INSM2: variants seen among roughly 807,000 people sequenced by gnomAD.
INSM2 encodes the protein INSM transcriptional repressor 2.
Under a neutral mutation model 30.5 loss-of-function variants are expected in INSM2, and 12 were observed. The ratio of observed to expected loss-of-function variants is 0.39; its 90% confidence interval spans 0.25 to 0.64. INSM2 has a LOEUF of 0.64. INSM2 is among the 30% of genes least tolerant of loss of function. INSM2 has a pLI of 0.47. For synonymous variants in INSM2, 418 were observed against 383.7 expected, an observed-to-expected ratio of 1.09 and a Z score of -1.05; for missense variants, 773 against 819.2, an observed-to-expected ratio of 0.94 and a Z score of 0.69.
In INSM2 at chr14:35,535,943, C is replaced by T. The variant is rs2053596483; in HGVS notation, c.1691C>T (p.Pro564Leu). ...QVLLLQMPLR[P>L]GC Reference sequence around the variant, plus strand: ...CTGCTGCTGCAGATGCCACTGCGGCCTGGCTGCTGAGGGACGAGAGACCAG... The same window carrying T: ...CTGCTGCTGCAGATGCCACTGCGGCTTGGCTGCTGAGGGACGAGAGACCAG... The change falls in exon 1 of 1, where the codon CCT becomes CTT. Residue 564 changes from proline (P) to leucine (L), a missense_variant. Coordinates refer to ENST00000307169, the MANE Select transcript of INSM2 (RefSeq NM_032594.4). 1.2e-6 allele frequency: 2 copies of T among 1,605,012 alleles called. No homozygotes were observed. The highest frequency in any genetic ancestry group is 8.5e-7 in the Non-Finnish European group (1 of 1,175,774).
Position 35,536,286 on chromosome 14 carries a change from C to A in INSM2, c.*333C>A. ...ATGATTTGTAATTCCTATGGAAAGTCGCGGTGAATGCGTGCATGTCTCAAT... is the reference window on the plus strand; with the variant it reads ...ATGATTTGTAATTCCTATGGAAAGTAGCGGTGAATGCGTGCATGTCTCAAT... On this transcript the variant is annotated 3_prime_UTR_variant, in exon 1 of 1. Coordinates refer to ENST00000307169, the MANE Select transcript of INSM2 (RefSeq NM_032594.4). The A allele has an allele frequency of 3.9e-6, 1 of 258,622 alleles. No individual in the cohort carries two copies. Among genetic ancestry groups the A allele is most frequent in the Non-Finnish European group, 7.8e-6 (1 of 128,614 alleles). 16.0% of individuals were successfully genotyped at this position (258,622 alleles called of 1,614,324 possible).
Position 35,534,691 on chromosome 14 carries a change from G to C in INSM2, c.439G>C (p.Ala147Pro). Residue 147 changes from alanine (A) to proline (P), a missense_variant, in exon 1 of 1, where the codon GCT becomes CCT. Coordinates refer to ENST00000307169, the MANE Select transcript of INSM2 (RefSeq NM_032594.4). The stretch of plus-strand genomic sequence containing the variant: ...CCCCGGGGGCGCCGCCGCCGTGGCC[G>C]CTTTCTCCTGCTCCGTGGCGCCAGC... ...SFPGGAAAVA[A>P]FSCSVAPAAA... 7.1e-7 allele frequency: 1 copy of C among 1,399,894 alleles called. No homozygotes were observed. The allele number at this position is 1,399,894 out of a possible 1,614,324, so 86.7% of individuals were successfully genotyped here. A position where few individuals can be genotyped will look rare whatever the true frequency, so the allele number is the denominator to read the frequency against.
In INSM2 at chr14:35,534,777, C is replaced by T. The variant is rs1435345314; in HGVS notation, c.525C>T (p.Pro175=). Reference sequence around the variant, plus strand: ...CGCTTCGGGCGCCGTTCCCAGAGCCCGCGCTTCAGCCGGACCCTGCGCCCC... The same window carrying T: ...CGCTTCGGGCGCCGTTCCCAGAGCCTGCGCTTCAGCCGGACCCTGCGCCCC... ...LLPLRAPFPE[P]ALQPDPAPLS... The change falls in exon 1 of 1, where the codon CCC becomes CCT. Residue 175 remains proline, a synonymous_variant. Coordinates refer to ENST00000307169, the MANE Select transcript of INSM2 (RefSeq NM_032594.4). 4 of 1,424,024 alleles carry T rather than the reference C, an allele frequency of 2.8e-6. No individual in the cohort carries two copies. The highest frequency in any genetic ancestry group is 1.5e-5 in the African/African-American group (1 of 66,018). The allele number at this position is 1,424,024 out of a possible 1,614,324, so 88.2% of individuals were successfully genotyped here.
rs1316150257 is a variant in INSM2 at position 35,534,567 on chromosome 14, C to T, written c.315C>T (p.Ser105=). ...RAGGREGPGP[S]PSPSPSPAKP... The stretch of plus-strand genomic sequence containing the variant: ...GTGGCAGGGAAGGTCCCGGGCCCAG[C>T]CCCAGCCCCAGCCCCAGTCCAGCGA... The change falls in exon 1 of 1, where the codon AGC becomes AGT. Residue 105 remains serine (S), a synonymous_variant. Transcript: ENST00000307169. The T allele has an allele frequency of 2.1e-6, 3 of 1,400,536 alleles. No homozygotes were observed. Among genetic ancestry groups the T allele is most frequent in the Non-Finnish European group, 2.8e-6 (3 of 1,087,850 alleles). The allele number at this position is 1,400,536 out of a possible 1,614,324, so 86.8% of individuals were successfully genotyped here.
Position 35,535,755 on chromosome 14 carries a change from C to A in INSM2, c.1503C>A (p.Pro501=). The stretch of plus-strand genomic sequence containing the variant: ...CTGTCCGCGAGGAGCTGCTCCTGCC[C>A]GCTCTGGCGGGGGCTCCTCCCGAAA... ...WHAVREELLL[P]ALAGAPPETS... Residue 501 remains proline (P), a synonymous_variant, in exon 1 of 1, where the codon CCC becomes CCA. Coordinates refer to ENST00000307169, the MANE Select transcript of INSM2 (RefSeq NM_032594.4). 1 of 1,613,470 alleles carries A rather than the reference C, an allele frequency of 6.2e-7. No homozygotes were observed. The highest frequency in any genetic ancestry group is 8.5e-7 in the Non-Finnish European group (1 of 1,179,926).
Position 35,534,772 on chromosome 14 carries a change from G to T in INSM2, c.520G>T (p.Glu174Ter). 7.0e-7 allele frequency: 1 copy of T among 1,419,890 alleles called. No individual in the cohort carries two copies. Among genetic ancestry groups the T allele is most frequent in the South Asian group, 1.6e-5 (1 of 64,458 alleles). The allele number at this position is 1,419,890 out of a possible 1,614,324, so 88.0% of individuals were successfully genotyped here. The change falls in exon 1 of 1, where the codon GAG becomes TAG. Residue 174 changes from glutamate (E) to a stop codon, truncating the protein, a stop_gained. Transcript: ENST00000307169. LOFTEE classifies it high-confidence loss of function. Reference protein sequence around the residue: ...FLLPLRAPFPEPALQPDPAPL... With the variant: ...FLLPLRAPFP ...GCTGCCGCTTCGGGCGCCGTTCCCA[G>T]AGCCCGCGCTTCAGCCGGACCCTGC...
chr14:35,534,840 C>T lies in INSM2; in HGVS notation c.588C>T (p.Gly196=). The change falls in exon 1 of 1, where the codon GGC becomes GGT. Residue 196 remains glycine, a synonymous_variant. Transcript: ENST00000307169. ...AALQSLKRAA[G]GERRGKAPTD... ...TTCAGAGTCTGAAGCGGGCGGCCGG[C>T]GGCGAGCGCCGCGGCAAGGCACCCA... is the stretch of plus-strand genomic sequence containing the variant. The T allele has an allele frequency of 1.3e-6, 2 of 1,522,688 alleles. No homozygotes were observed. Among genetic ancestry groups the T allele is most frequent in the Non-Finnish European group, 8.8e-7 (1 of 1,142,836 alleles). The allele number at this position is 1,522,688 out of a possible 1,614,324, so 94.3% of individuals were successfully genotyped here. A position where few individuals can be genotyped will look rare whatever the true frequency, so the allele number is the denominator to read the frequency against.
Position 35,536,131 on chromosome 14 carries a change from C to A in INSM2, c.*178C>A. On this transcript the variant is annotated 3_prime_UTR_variant, in exon 1 of 1. Coordinates refer to ENST00000307169, the MANE Select transcript of INSM2 (RefSeq NM_032594.4). Reference sequence around the variant, plus strand: ...GGAGCGGACAGTGAAATGTAATATCCCTCTCTAGAGCAGGTATGTATATGG... The same window carrying A: ...GGAGCGGACAGTGAAATGTAATATCACTCTCTAGAGCAGGTATGTATATGG... 1 of 697,316 alleles carries A rather than the reference C, an allele frequency of 1.4e-6. No individual in the cohort carries two copies. Among genetic ancestry groups the A allele is most frequent in the East Asian group, 2.7e-5 (1 of 36,394 alleles). 43.2% of individuals were successfully genotyped at this position (697,316 alleles called of 1,614,324 possible).
chr14:35,534,612 G>A lies in INSM2; in HGVS notation c.360G>A (p.Leu120=). ...CAGCGAAGCCGGCAGGCGCAGAGCT[G>A]CGTCGGGCGTTCCTGGAGCGCTGCC... The part of the protein sequence containing the change: ...PSPAKPAGAE[L]RRAFLERCLS... The change falls in exon 1 of 1, where the codon CTG becomes CTA. Residue 120 remains leucine (L), a synonymous_variant. Transcript: ENST00000307169. 1 of 1,447,646 alleles carries A rather than the reference G, an allele frequency of 6.9e-7. No homozygotes were observed. Among genetic ancestry groups the A allele is most frequent in the Non-Finnish European group, 9.0e-7 (1 of 1,111,226 alleles). 89.7% of individuals were successfully genotyped at this position (1,447,646 alleles called of 1,614,324 possible).
At position 35,536,395 on chromosome 14, in the gene INSM2, A is replaced by C. The variant is rs1449781914; in HGVS notation, c.*442A>C. On this transcript the variant is annotated 3_prime_UTR_variant, in exon 1 of 1. Coordinates refer to ENST00000307169, the MANE Select transcript of INSM2 (RefSeq NM_032594.4). ...CAGGCGCCTATACAGCTTCTGTCTC[A>C]ATAGGGTCAGATATTTTGCACTGTA... The C allele has an allele frequency of 1.2e-5, 2 of 172,100 alleles. No homozygotes were observed. The highest frequency in any genetic ancestry group is 6.4e-5 in the Admixed American group (1 of 15,660). 10.7% of individuals were successfully genotyped at this position (172,100 alleles called of 1,614,324 possible). A position where few individuals can be genotyped will look rare whatever the true frequency, so the allele number is the denominator to read the frequency against.
chr14:35,535,713 G>C lies in INSM2; in HGVS notation c.1461G>C (p.Lys487Asn). 2 of 1,613,384 alleles carry C rather than the reference G, an allele frequency of 1.2e-6. No individual in the cohort carries two copies. The highest frequency in any genetic ancestry group is 1.7e-6 in the Non-Finnish European group (2 of 1,180,000). Reference sequence around the variant, plus strand: ...TCCCTACAGCAGATATCAGGGAGAAGCACCGGCTGTGGCATGCTGTCCGCG... The same window carrying C: ...TCCCTACAGCAGATATCAGGGAGAACCACCGGCTGTGGCATGCTGTCCGCG... The part of the protein sequence containing the change: ...AHFPTADIRE[K>N]HRLWHAVREE... Residue 487 changes from lysine (K) to asparagine (N), a missense_variant, in exon 1 of 1, where the codon AAG becomes AAC. Lys to Asn is a moderately conservative substitution (Grantham distance 94, BLOSUM62 0). Coordinates refer to ENST00000307169, the MANE Select transcript of INSM2 (RefSeq NM_032594.4).
In INSM2 at chr14:35,534,742, T is replaced by C; in HGVS notation, c.490T>C (p.Phe164Leu). The change falls in exon 1 of 1, where the codon TTT becomes CTT. Residue 164 changes from phenylalanine (F) to leucine (L), a missense_variant. Physicochemically the swap from Phe to Leu is conservative, Grantham distance 22. Coordinates refer to ENST00000307169, the MANE Select transcript of INSM2 (RefSeq NM_032594.4). ...AGCCGCACCGACCCCGGGGGAGCAG[T>C]TTCTGCTGCCGCTTCGGGCGCCGTT... ...PAAAPTPGEQ[F>L]LLPLRAPFPE... 5.0e-6 allele frequency: 7 copies of C among 1,400,420 alleles called. No homozygotes were observed. The highest frequency in any genetic ancestry group is 6.5e-6 in the Non-Finnish European group (7 of 1,083,590). 86.7% of individuals were successfully genotyped at this position (1,400,420 alleles called of 1,614,324 possible).
In INSM2 at chr14:35,536,139, G is replaced by A. The variant is rs2053597917; in HGVS notation, c.*186G>A. ...CAGTGAAATGTAATATCCCTCTCTA[G>A]AGCAGGTATGTATATGGTATAAACC... On this transcript the variant is annotated 3_prime_UTR_variant, in exon 1 of 1. Coordinates refer to ENST00000307169, the MANE Select transcript of INSM2 (RefSeq NM_032594.4). The A allele has an allele frequency of 1.5e-6, 1 of 658,420 alleles. No individual in the cohort carries two copies. The highest frequency in any genetic ancestry group is 2.6e-6 in the Non-Finnish European group (1 of 381,620). 40.8% of individuals were successfully genotyped at this position (658,420 alleles called of 1,614,324 possible).
rs762783877 is a variant in INSM2, at chr14:35,535,643, G to A, written c.1391G>A (p.Arg464His). 6.2e-7 allele frequency: 1 copy of A among 1,613,162 alleles called. No homozygotes were observed. The highest frequency in any genetic ancestry group is 1.1e-5 in the South Asian group (1 of 91,088). The change falls in exon 1 of 1, where the codon CGC (arginine) becomes CAC (histidine). Residue 464 changes from arginine (R) to histidine (H), a missense_variant. Coordinates refer to ENST00000307169, the MANE Select transcript of INSM2 (RefSeq NM_032594.4). ...RALAPGFGSE[R>H]GAPLAFACPL... Reference sequence around the variant, plus strand: ...CTAGCGCCGGGCTTTGGCTCCGAACGCGGTGCCCCACTTGCCTTCGCTTGC... The same window carrying A: ...CTAGCGCCGGGCTTTGGCTCCGAACACGGTGCCCCACTTGCCTTCGCTTGC...
Position 35,534,823 on chromosome 14 carries a change from C to G in INSM2, c.571C>G (p.Leu191Val), listed in dbSNP as rs2053583550. Residue 191 changes from leucine (L) to valine (V), a missense_variant, in exon 1 of 1, where the codon CTG becomes GTG. Transcript: ENST00000307169. ...PAPLSAALQS[L>V]KRAAGGERRG... ...GCCCCTCTCGGCCGCCCTTCAGAGT[C>G]TGAAGCGGGCGGCCGGCGGCGAGCG... 1.3e-6 allele frequency: 2 copies of G among 1,508,522 alleles called. No homozygotes were observed. The highest frequency in any genetic ancestry group is 1.8e-6 in the Non-Finnish European group (2 of 1,135,474). The allele number at this position is 1,508,522 out of a possible 1,614,324, so 93.4% of individuals were successfully genotyped here.
chr14:35,535,844 C>T lies in INSM2; in HGVS notation c.1592C>T (p.Pro531Leu). The change falls in exon 1 of 1, where the codon CCG (proline) becomes CTG (leucine). Residue 531 changes from proline (P) to leucine (L), a missense_variant. Transcript: ENST00000307169. ...AQQIFSCKHC[P>L]STFFSSPGLT... is the part of the protein sequence containing the mutation. ...CAAATTTTCTCGTGCAAGCACTGCC[C>T]GTCCACTTTTTTTAGCTCTCCAGGG... 3.7e-6 allele frequency: 6 copies of T among 1,614,084 alleles called. No homozygotes were observed. The highest frequency in any genetic ancestry group is 4.2e-6 in the Non-Finnish European group (5 of 1,180,044).
chr14:35,536,285 T>A lies in INSM2; in HGVS notation c.*332T>A, dbSNP rs1426614763. ...TATGATTTGTAATTCCTATGGAAAGTCGCGGTGAATGCGTGCATGTCTCAA... is the reference window on the plus strand; with the variant it reads ...TATGATTTGTAATTCCTATGGAAAGACGCGGTGAATGCGTGCATGTCTCAA... On this transcript the variant is annotated 3_prime_UTR_variant, in exon 1 of 1. Transcript: ENST00000307169. The A allele has an allele frequency of 3.8e-6, 1 of 261,258 alleles. No homozygotes were observed. The highest frequency in any genetic ancestry group is 2.3e-5 in the African/African-American group (1 of 44,088). 16.2% of individuals were successfully genotyped at this position (261,258 alleles called of 1,614,324 possible). A position where few individuals can be genotyped will look rare whatever the true frequency, so the allele number is the denominator to read the frequency against.
chr14:35,535,735 C>T lies in INSM2; in HGVS notation c.1483C>T (p.Arg495Cys). The change falls in exon 1 of 1, where the codon CGC becomes TGC. Residue 495 changes from arginine to cysteine, a missense_variant. Physicochemically the swap from Arg to Cys is radical, Grantham distance 180 (BLOSUM62 -3). Coordinates refer to ENST00000307169, the MANE Select transcript of INSM2 (RefSeq NM_032594.4). The stretch of plus-strand genomic sequence containing the variant: ...GAAGCACCGGCTGTGGCATGCTGTC[C>T]GCGAGGAGCTGCTCCTGCCCGCTCT... ...REKHRLWHAV[R>C]EELLLPALAG... 1 of 1,613,382 alleles carries T rather than the reference C, an allele frequency of 6.2e-7. No individual in the cohort carries two copies. Among genetic ancestry groups the T allele is most frequent in the Non-Finnish European group, 8.5e-7 (1 of 1,179,964 alleles).
In INSM2 at chr14:35,534,511, G is replaced by A; in HGVS notation, c.259G>A (p.Gly87Ser). The change falls in exon 1 of 1, where the codon GGC (glycine) becomes AGC (serine). Residue 87 changes from glycine to serine, a missense_variant. Physicochemically the swap from Gly to Ser is moderately conservative, Grantham distance 56 (BLOSUM62 0). Coordinates refer to ENST00000307169, the MANE Select transcript of INSM2 (RefSeq NM_032594.4). ...CRAAGVSPGT[G>S]GREGAEWRAG... The stretch of plus-strand genomic sequence containing the variant: ...GGCGGCTGGGGTGAGCCCGGGGACG[G>A]GCGGGCGGGAAGGCGCGGAGTGGCG... The A allele has an allele frequency of 1.4e-6, 2 of 1,413,124 alleles. No individual in the cohort carries two copies. The highest frequency in any genetic ancestry group is 9.2e-7 in the Non-Finnish European group (1 of 1,090,712). The allele number at this position is 1,413,124 out of a possible 1,614,324, so 87.5% of individuals were successfully genotyped here.
Sources: gnomAD v4.1 joint callset for allele counts on GRCh38, gnomAD v4.1.1 for gene constraint, MANE v1.5 for transcripts, NCBI Gene and HGNC (gene_info 2026-07-23, HGNC 2026-07-21) for gene names.